PTPRT: variants seen among roughly 807,000 people sequenced by gnomAD.
The protein encoded by PTPRT is receptor-type tyrosine-protein phosphatase T.
PTPRT carries 56 observed loss-of-function variants against 176.8 expected under a neutral mutation model. The ratio of observed to expected loss-of-function variants is 0.32; its 90% CI spans 0.26 to 0.40. The LOEUF is 0.40. Among genes scored for constraint, PTPRT ranks in the 10% least tolerant of loss-of-function variants. The probability of loss-of-function intolerance (pLI) is 1.00; values close to 1 mark genes in which losing one functional copy is unlikely to be tolerated. For missense variants in PTPRT, 1,540 were observed against 1,908.2 expected (o/e 0.81, Z 3.60); for synonymous variants, 783 against 739.0 (o/e 1.06, Z -0.96).
rs114465071 is a variant in PTPRT, at chr20:42,526,372, C to T, written c.1154-53810G>A. Among the ~76,000 whole-genome samples the T allele has an allele frequency of 4.6e-3, 701 of 152,112 alleles. 4 individuals are homozygous for T. The highest frequency in any genetic ancestry group is 0.016 in the African/African-American group (668 of 41,502). On this transcript the variant is annotated intron_variant, in intron 7 of 30. Coordinates refer to ENST00000373187, the MANE Select transcript of PTPRT (RefSeq NM_007050.6). ...TCCTTTTCCTCATTGTTGTTCATGC[C>T]TTTAATGTTTTCAGAAGTGCTCATT...
intron 15 of PTPRT, among the ~76,000 whole-genome samples, chr20:42,227,604 T>G (rs2056046235): frequency 7.4e-6 from 1 of 134,982 alleles, no homozygotes; most frequent in African/African-American, 2.9e-5. Flanking sequence ...CTCATTGTTT[T>G]TTTTTTTTTT....
At position 42,634,842 on chromosome 20, in the gene PTPRT, A is replaced by G. The variant is rs62203847; in HGVS notation, c.1153+43024T>C. Among the ~76,000 whole-genome samples, 293 of 152,256 alleles carry G rather than the reference A, an allele frequency of 1.9e-3. 2 individuals carry two copies. The highest frequency in any genetic ancestry group is 0.01 in the Middle Eastern group (3 of 294). The stretch of plus-strand genomic sequence containing the variant: ...AAACATATTATTTAAACAAATCATT[A>G]TAACTTGACTTATTATACCTCAATT... On this transcript the variant is annotated intron_variant, in intron 7 of 30. Coordinates refer to ENST00000373187, the MANE Select transcript of PTPRT (RefSeq NM_007050.6).
At chr20:43,176,537 A>G (rs1002447446) in intron 1 of PTPRT, among the ~76,000 whole-genome samples, 1 of 152,316 alleles carries the variant, frequency 6.6e-6, no homozygotes, top group African/African-American at 2.4e-5. Context: ...AAGCAACAGA[A>G]TATCACGGAC....
At chr20:42,355,041 A>G (rs996999650) in intron 9 of PTPRT, among the ~76,000 whole-genome samples, 5 of 151,654 alleles carry the variant, frequency 3.3e-5, no homozygotes, top group African/African-American at 1.2e-4. Context: ...ACCCCTACCC[A>G]CCCCACTCCT....
rs148031055 is a variant in PTPRT, at chr20:42,963,885, C to T, written c.89-77953G>A. 3.5e-3 allele frequency among the ~76,000 whole-genome samples: 531 copies of T among 152,238 alleles called. 5 individuals carry two copies. The highest frequency in any genetic ancestry group is 0.011 in the African/African-American group (447 of 41,536). On this transcript the variant is annotated intron_variant, in intron 1 of 30. Transcript: ENST00000373187. ...CAGAATATAATAGAAAACCTAATCA[C>T]CCACCACAGAATCAGCAAGCTCTCT... is the stretch of plus-strand genomic sequence containing the variant.
intron 17 of PTPRT, among the ~76,000 whole-genome samples, chr20:42,154,501 T>A (rs1001090655): frequency 6.6e-6 from 1 of 152,188 alleles, no homozygotes; most frequent in African/African-American, 2.4e-5. Context: ...AATGAACAAA[T>A]GTTTGCTCTT....
chr20:42,517,759 G>A (rs1449237389), intron 7 of PTPRT, among the ~76,000 whole-genome samples: 1 of 151,880 alleles, frequency 6.6e-6, no homozygotes, highest in Non-Finnish European at 1.5e-5. Flanking sequence ...AGTAATTTAG[G>A]AGAGATTTAA....
chr20:43,164,053 C>A (rs535687396), intron 1 of PTPRT, among the ~76,000 whole-genome samples: 1 of 152,246 alleles, frequency 6.6e-6, no homozygotes, highest in South Asian at 2.1e-4. Context: ...GAGTGTCATG[C>A]AATGTACTGA....
chr20:42,800,367 A>C (rs191038638), intron 2 of PTPRT, among the ~76,000 whole-genome samples: 46 of 152,310 alleles, frequency 3.0e-4, no homozygotes, highest in Admixed American at 2.5e-3. Flanking sequence ...TGGTTCATGC[A>C]GGAAGAGGGG....
At chr20:42,274,261 C>T (rs2056987477) in intron 13 of PTPRT, among the ~76,000 whole-genome samples, 1 of 152,154 alleles carries the variant, frequency 6.6e-6, no homozygotes, top group Non-Finnish European at 1.5e-5. Context: ...TATTTAAGAT[C>T]CAAGTTGCCA....
chr20:42,454,829 C>T (rs1277879061), intron 8 of PTPRT, among the ~76,000 whole-genome samples: 1 of 152,164 alleles, frequency 6.6e-6, no homozygotes, highest in Admixed American at 6.5e-5. Context: ...CTGTTGATGG[C>T]CTGCCTATAT....
intron 2 of PTPRT, among the ~76,000 whole-genome samples, chr20:42,810,657 A>G (rs544003111): frequency 6.6e-6 from 1 of 152,224 alleles, no homozygotes; most frequent in African/African-American, 2.4e-5. Flanking sequence ...GGATGGAAGG[A>G]TTTCCAGATT....
Position 42,115,272 on chromosome 20 carries a change from C to T in PTPRT, c.3026G>A (p.Gly1009Glu), listed in dbSNP as rs2146311909. ...RYWPDDTEVY[G>E]DIKVTLIETE... The stretch of plus-strand genomic sequence containing the variant: ...TTCAATCAGGGTGACTTTAATGTCT[C>T]CGTAGACCTCCGTGTCATCTGGCCA... The change falls in exon 22 of 31, where the codon GGA becomes GAA. Residue 1009 changes from glycine (G) to glutamate (E), a missense_variant. By Grantham distance (98) the Gly-to-Glu change is moderately conservative. This residue lies in a region of PTPRT where 248 missense variants were observed against 356.7 expected (regional missense o/e 0.70). Coordinates refer to ENST00000373187, the MANE Select transcript of PTPRT (RefSeq NM_007050.6). 1 of 1,614,156 alleles carries T rather than the reference C, an allele frequency of 6.2e-7. No homozygotes were observed. Among genetic ancestry groups the T allele is most frequent in the Non-Finnish European group, 8.5e-7 (1 of 1,180,004 alleles).
At chr20:43,050,414 T>C (rs1325612237) in intron 1 of PTPRT, among the ~76,000 whole-genome samples, 2 of 152,194 alleles carry the variant, frequency 1.3e-5, no homozygotes, top group African/African-American at 2.4e-5. Context: ...AAGGCCCGGA[T>C]TGGTGCTGAG....
At chr20:42,061,100 T>A in the PTPRT span, among the ~76,000 whole-genome samples, 1 of 152,220 alleles carries the variant, frequency 6.6e-6, no homozygotes, top group African/African-American at 2.4e-5. Context: ...AGTCAAGATA[T>A]GCGGTAGTGA....
At chr20:43,109,412 C>A (rs2012764208) in intron 1 of PTPRT, among the ~76,000 whole-genome samples, 1 of 152,100 alleles carries the variant, frequency 6.6e-6, no homozygotes, top group African/African-American at 2.4e-5. Flanking sequence ...CAGGCACCCA[C>A]CAAAACCGGG....
At chr20:43,146,356 G>T (rs982302808) in intron 1 of PTPRT, among the ~76,000 whole-genome samples, 2 of 152,112 alleles carry the variant, frequency 1.3e-5, no homozygotes, top group African/African-American at 4.8e-5. Context: ...ATTATGTCCT[G>T]AATATCAACC....
chr20:42,950,984 A>T (rs572467127), intron 1 of PTPRT, among the ~76,000 whole-genome samples: 44 of 152,234 alleles, frequency 2.9e-4, no homozygotes, highest in Non-Finnish European at 5.1e-4. Flanking sequence ...AAATAATGTG[A>T]TGTTTTCTTC....
intron 17 of PTPRT, among the ~76,000 whole-genome samples, chr20:42,158,756 A>G (rs1253849765): frequency 1.3e-5 from 2 of 152,250 alleles, no homozygotes; most frequent in South Asian, 2.1e-4. Flanking sequence ...AATAATGTTA[A>G]CTAGAAGCTA....
Sources: gnomAD v4.1 joint callset for allele counts (sites outside exome capture counted in the v4.1 genomes callset) on GRCh38, gnomAD v4.1.1 for gene constraint, gnomAD v4.1.1 regional missense constraint, MANE v1.5 for transcripts, NCBI Gene and HGNC (gene_info 2026-07-23, HGNC 2026-07-21) for gene names.